ATP2B4: variants seen among roughly 807,000 people sequenced by gnomAD.
ATP2B4 encodes plasma membrane calcium-transporting ATPase 4.
A neutral mutation model predicts 110.3 loss-of-function variants in ATP2B4; 39 were observed. The observed-to-expected ratio is 0.35, with a 90% CI of 0.27 to 0.46. The LOEUF is 0.46. ATP2B4 is among the 20% of genes least tolerant of loss of function. The pLI is 1.00. For synonymous variants in ATP2B4, 538 were observed against 571.7 expected (o/e 0.94, Z 0.84); for missense variants, 1,135 against 1,530.9 (o/e 0.74, Z 4.32).
chr1:203,714,942 A>G (rs1361615367), intron 15 of ATP2B4, among the ~76,000 whole-genome samples: 1 of 152,118 alleles, frequency 6.6e-6, no homozygotes, highest in African/African-American at 2.4e-5. Context: ...GTTTTATTCT[A>G]GGAAATTTCA....
chr1:203,684,970 T>C (rs10793762), intron 2 of ATP2B4, among the ~76,000 whole-genome samples: 126,250 of 151,754 alleles, frequency 0.83, 53,340 homozygotes, highest in East Asian at 1. Context: ...TTCAAGCAAT[T>C]ATCCTGCTTC....
At chr1:203,721,124 C>T in intron 16 of ATP2B4, 73 bp from the exon 17 acceptor site, 2 of 1,510,966 alleles carry the variant, frequency 1.3e-6, no homozygotes, top group Non-Finnish European at 1.8e-6. Flanking sequence ...GTCGTGGGAG[C>T]TGGGCCATCG....
chr1:203,708,164 C>T, intron 10 of ATP2B4, 60 bp downstream of exon 10: 1 of 1,600,818 alleles, frequency 6.2e-7, no homozygotes. Flanking sequence ...CATCCATTTT[C>T]TCTGAAATGA....
Position 203,652,262 on chromosome 1 carries a change from A to G in ATP2B4, c.-465+25043A>G, listed in dbSNP as rs376089644. ...CAGGTGCAAGCGATTCTCCTGCCTC[A>G]GCCTCCCAAGTAGTTGAAATTCAGG... On this transcript the variant is annotated intron_variant, in intron 1 of 20. Transcript: ENST00000357681. 2.1e-4 allele frequency among the ~76,000 whole-genome samples: 31 copies of G among 150,680 alleles called. 1 individual carries two copies. The East Asian group carries it at 5.5e-3, about 27-fold the overall frequency.
intron 2 of ATP2B4, among the ~76,000 whole-genome samples, chr1:203,697,378 C>A (rs2102381533): frequency 6.6e-6 from 1 of 152,336 alleles, no homozygotes; most frequent in South Asian, 2.1e-4. Flanking sequence ...GCAGCTCACT[C>A]TGCTTTTAAA....
chr1:203,735,736 A>C (rs2102239712), intron 20 of ATP2B4, among the ~76,000 whole-genome samples: 1 of 152,274 alleles, frequency 6.6e-6, no homozygotes, highest in South Asian at 2.1e-4. Flanking sequence ...AACCTCTCCC[A>C]CCAGTTCTTT....
intron 1 of ATP2B4, among the ~76,000 whole-genome samples, chr1:203,631,063 A>G (rs1286514963): frequency 6.6e-6 from 1 of 152,218 alleles, no homozygotes; most frequent in African/African-American, 2.4e-5. Context: ...CTCTACCTTA[A>G]GCCAGTCCTC....
At chr1:203,630,367 CTCTTT>C (rs1159878906) in intron 1 of ATP2B4, among the ~76,000 whole-genome samples, 1,128 of 9,376 alleles carry the variant, frequency 0.12, 7 homozygotes, top group Non-Finnish European at 0.21. Flanking sequence ...CTCTCTCTCT[CTCTTT>C]TTTTTTTTTT....
Position 203,740,004 on chromosome 1 carries a change from G to T in ATP2B4, c.*150G>T. On this transcript the variant is annotated 3_prime_UTR_variant, in exon 21 of 21. Coordinates refer to ENST00000357681, the MANE Select transcript of ATP2B4 (RefSeq NM_001684.5). ...GTGAACCTCTACCTGACCATGAAGA[G>T]GCAAGAGCACAGACTTACAAGGATT... 1.1e-6 allele frequency: 1 copy of T among 869,612 alleles called. No individual in the cohort carries two copies. The highest frequency in any genetic ancestry group is 1.7e-6 in the Non-Finnish European group (1 of 582,784). The allele number at this position is 869,612 out of a possible 1,614,324, so 53.9% of individuals were successfully genotyped here.
chr1:203,735,556 T>G (rs1484695071), intron 20 of ATP2B4, among the ~76,000 whole-genome samples: 4 of 152,082 alleles, frequency 2.6e-5, no homozygotes, highest in Non-Finnish European at 4.4e-5. Flanking sequence ...GTGGTTCACA[T>G]GATCACGGAC....
intron 1 of ATP2B4, among the ~76,000 whole-genome samples, chr1:203,678,150 T>A (rs1376527854): frequency 6.6e-6 from 1 of 152,186 alleles, no homozygotes; most frequent in African/African-American, 2.4e-5. Flanking sequence ...AATAGGAGCA[T>A]TTAGTAGCGG....
chr1:203,672,593 T>C (rs1045739030), intron 1 of ATP2B4, among the ~76,000 whole-genome samples: 4 of 152,056 alleles, frequency 2.6e-5, no homozygotes, highest in Non-Finnish European at 4.4e-5. Context: ...AGAGGTGTTA[T>C]GGAGGCGGTG....
At chr1:203,666,484 G>A (rs1390935004) in intron 1 of ATP2B4, among the ~76,000 whole-genome samples, 1 of 152,178 alleles carries the variant, frequency 6.6e-6, no homozygotes, top group Non-Finnish European at 1.5e-5. Flanking sequence ...AAAACTCAGA[G>A]TCTTTGGAGG....
chr1:203,650,176 G>A (rs564106601), intron 1 of ATP2B4, among the ~76,000 whole-genome samples: 2 of 152,338 alleles, frequency 1.3e-5, no homozygotes, highest in African/African-American at 4.8e-5. Flanking sequence ...GCCCCGTAAA[G>A]CTTGGAGCGA....
rs886637560 is a variant in ATP2B4, at chr1:203,742,182, G to A, written c.*2328G>A. On this transcript the variant is annotated 3_prime_UTR_variant, in exon 21 of 21. Coordinates refer to ENST00000357681, the MANE Select transcript of ATP2B4 (RefSeq NM_001684.5). ...TTTAAAGGATTTAAAATAAAGTGCC[G>A]TCATGTAGCCCTGTGGAAGGGAGCA... is the stretch of plus-strand genomic sequence containing the variant. 4 of 152,578 alleles carry A rather than the reference G, an allele frequency of 2.6e-5. No homozygotes were observed. Among genetic ancestry groups the A allele is most frequent in the African/African-American group, 7.2e-5 (3 of 41,420 alleles). 9.5% of individuals were successfully genotyped at this position (152,578 alleles called of 1,614,324 possible). A position where few individuals can be genotyped will look rare whatever the true frequency, so the allele number is the denominator to read the frequency against.
At chr1:203,721,085 G>A (rs1250118628) in intron 16 of ATP2B4, 112 bp from the exon 17 acceptor site, 2 of 1,116,280 alleles carry the variant, frequency 1.8e-6, no homozygotes, top group Non-Finnish European at 2.6e-6. Flanking sequence ...CACTCAGCTA[G>A]GAAGTGGCCA....
At chr1:203,683,555 C>G (rs4951369) in intron 2 of ATP2B4, among the ~76,000 whole-genome samples, 157 bp downstream of exon 2, 126,273 of 151,732 alleles carry the variant, frequency 0.83, 53,362 homozygotes, top group East Asian at 1. Flanking sequence ...GAAAGGAGGG[C>G]AGGCCATGAA....
intron 2 of ATP2B4, among the ~76,000 whole-genome samples, chr1:203,684,007 T>C (rs1665100653): frequency 6.6e-6 from 1 of 152,124 alleles, no homozygotes; most frequent in Non-Finnish European, 1.5e-5. Flanking sequence ...TGTATCAGTG[T>C]CCAGAAAGGA....
At chr1:203,685,544 A>G (rs1047555981) in intron 2 of ATP2B4, among the ~76,000 whole-genome samples, 1 of 150,358 alleles carries the variant, frequency 6.7e-6, no homozygotes, top group Non-Finnish European at 1.5e-5. Context: ...TAGACTCTTT[A>G]GGATGAAAAA....
Sources: allele counts gnomAD v4.1 joint callset (sites outside exome capture counted in the v4.1 genomes callset), GRCh38; gene constraint gnomAD v4.1.1; transcripts MANE v1.5; gene names NCBI Gene and HGNC (gene_info 2026-07-23, HGNC 2026-07-21).